SV2C: variants seen among roughly 807,000 people sequenced by gnomAD.
The protein encoded by SV2C is solute carrier family 22 member B3.
SV2C carries 49 observed loss-of-function variants against 79.7 expected under a neutral mutation model. That is an observed-to-expected ratio of 0.61 (90% confidence interval 0.49 to 0.78). SV2C has a LOEUF of 0.78. Ranked by LOEUF, SV2C falls within the 30% of genes least tolerant of loss-of-function variation. The probability of loss-of-function intolerance (pLI) is 0.00; values close to 1 mark genes in which losing one functional copy is unlikely to be tolerated. For missense variants in SV2C, 833 were observed against 912.9 expected (o/e 0.91, Z 1.13); for synonymous variants, 334 against 333.2 (o/e 1.00, Z -0.03).
the SV2C span, among the ~76,000 whole-genome samples, chr5:76,041,305 CCTT>C: frequency 6.6e-6 from 1 of 152,210 alleles, no homozygotes; most frequent in African/African-American, 2.4e-5. Context: ...ACAGTCAGCT[CCTT>C]CTCTTCTCAC....
intron 9 of SV2C, among the ~76,000 whole-genome samples, chr5:76,296,763 G>A (rs1747782777): frequency 6.6e-6 from 1 of 152,024 alleles, no homozygotes; most frequent in Admixed American, 6.5e-5. Flanking sequence ...AGAATTCAGT[G>A]GGATGCTTAT....
chr5:76,120,937 C>T (rs559871659), intron 1 of SV2C, among the ~76,000 whole-genome samples: 4 of 151,414 alleles, frequency 2.6e-5, no homozygotes, highest in East Asian at 1.9e-4. Context: ...CCTGAGGAAT[C>T]GCCACACTAA....
chr5:76,196,430 G>A (rs1243773926), intron 3 of SV2C, among the ~76,000 whole-genome samples: 4 of 152,208 alleles, frequency 2.6e-5, no homozygotes, highest in African/African-American at 9.6e-5. Flanking sequence ...CCACAGGGGA[G>A]CCCCTTGGTG....
intron 4 of SV2C, among the ~76,000 whole-genome samples, chr5:76,264,069 C>T (rs1463352166): frequency 1.3e-5 from 2 of 152,108 alleles, no homozygotes; most frequent in African/African-American, 2.4e-5. Context: ...TCAGGGACTC[C>T]AATCAATTGT....
intron 1 of SV2C, among the ~76,000 whole-genome samples, chr5:76,107,653 C>T (rs1487355092): frequency 1.3e-5 from 2 of 152,068 alleles, no homozygotes; most frequent in Non-Finnish European, 2.9e-5. Flanking sequence ...CACTTGAGGT[C>T]AGGAGTTCGA....
At chr5:76,243,139 A>C (rs1256993329) in intron 4 of SV2C, among the ~76,000 whole-genome samples, 1 of 151,448 alleles carries the variant, frequency 6.6e-6, no homozygotes, top group Non-Finnish European at 1.5e-5. Flanking sequence ...GAGGTTGGTG[A>C]GGGGCAAGGC....
At chr5:75,951,488 A>G in the SV2C span, among the ~76,000 whole-genome samples, 2 of 152,016 alleles carry the variant, frequency 1.3e-5, no homozygotes, top group Non-Finnish European at 2.9e-5. Context: ...CAAGGTTTCA[A>G]ACTTTCTCAA....
intron 1 of SV2C, among the ~76,000 whole-genome samples, chr5:76,089,085 AC>A (rs1333497412): frequency 1.3e-5 from 2 of 152,120 alleles, no homozygotes; most frequent in Non-Finnish European, 2.9e-5. Flanking sequence ...ACATAGGTAA[AC>A]ATGTGCCATG....
At chr5:75,904,369 AAAAAC>A in the SV2C span, among the ~76,000 whole-genome samples, 2,472 of 149,138 alleles carry the variant, frequency 0.017, 36 homozygotes, top group African/African-American at 0.045. Context: ...CAGTCCTCAA[AAAAAC>A]AAAACAAAAC....
At chr5:76,119,865 A>G (rs1305348138) in intron 1 of SV2C, among the ~76,000 whole-genome samples, 1 of 152,216 alleles carries the variant, frequency 6.6e-6, no homozygotes, top group Admixed American at 6.5e-5. Context: ...AAAAATTATT[A>G]ACGATGAAAG....
chr5:75,921,525 C>T, the SV2C span: 1 of 819,162 alleles, frequency 1.2e-6, no homozygotes, highest in Non-Finnish European at 2.2e-6. Flanking sequence ...GTGACAATCT[C>T]TGGGGAGATG....
At chr5:76,067,002 T>C in the SV2C span, among the ~76,000 whole-genome samples, 1 of 152,148 alleles carries the variant, frequency 6.6e-6, no homozygotes, top group African/African-American at 2.4e-5. Context: ...TCAATCTAGT[T>C]TTCTCACCTT....
At chr5:76,004,205 A>T in the SV2C span, among the ~76,000 whole-genome samples, 1 of 152,206 alleles carries the variant, frequency 6.6e-6, no homozygotes, top group South Asian at 2.1e-4. Flanking sequence ...AATGGCGCTT[A>T]TGGTTAAGGA....
At chr5:76,105,868 TG>T (rs1455350951) in intron 1 of SV2C, among the ~76,000 whole-genome samples, 4 of 152,118 alleles carry the variant, frequency 2.6e-5, no homozygotes, top group Non-Finnish European at 5.9e-5. Context: ...TTAGCTTTCC[TG>T]TGATCCGGGG....
At chr5:75,919,145 A>T in the SV2C span, among the ~76,000 whole-genome samples, 2 of 152,158 alleles carry the variant, frequency 1.3e-5, no homozygotes, top group Non-Finnish European at 2.9e-5. Context: ...CTCTGTTTGG[A>T]TTGGTTTACT....
At chr5:76,088,775 C>G (rs925385840) in intron 1 of SV2C, among the ~76,000 whole-genome samples, 4 of 151,084 alleles carry the variant, frequency 2.6e-5, no homozygotes, top group Admixed American at 6.6e-5. Flanking sequence ...ATGAAGCTCA[C>G]TAATTTTACA....
At chr5:75,882,497 C>G in the SV2C span, among the ~76,000 whole-genome samples, 18,110 of 150,848 alleles carry the variant, frequency 0.12, 1,207 homozygotes, top group African/African-American at 0.21. Context: ...TGACTTCAAA[C>G]TATACTACAA....
chr5:75,927,457 C>A, the SV2C span, among the ~76,000 whole-genome samples: 1 of 151,390 alleles, frequency 6.6e-6, no homozygotes, highest in African/African-American at 2.4e-5. Flanking sequence ...CAAACCCATA[C>A]AAGCAGAGAT....
chr5:76,062,984 C>T, the SV2C span, among the ~76,000 whole-genome samples: 1 of 152,106 alleles, frequency 6.6e-6, no homozygotes, highest in African/African-American at 2.4e-5. Flanking sequence ...TATTTATCCG[C>T]CATGTTGCCC....
Sources: gnomAD v4.1 joint callset for allele counts (sites outside exome capture counted in the v4.1 genomes callset) on GRCh38, gnomAD v4.1.1 for gene constraint, MANE v1.5 for transcripts, NCBI Gene and HGNC (gene_info 2026-07-23, HGNC 2026-07-21) for gene names.